NME6: variants seen among roughly 807,000 people sequenced by gnomAD.
The protein encoded by NME6 is NME/NM23 nucleoside diphosphate kinase 6.
NME6 carries 16 observed loss-of-function variants against 22.2 expected under a neutral mutation model. That is an observed-to-expected ratio of 0.72 (90% confidence interval 0.49 to 1.09). The LOEUF (loss-of-function observed/expected upper bound fraction) is 1.09, where lower values mean the gene tolerates loss of function less well. Ranked by LOEUF, NME6 falls within the 50% of genes least tolerant of loss-of-function variation. The pLI, the probability that NME6 is intolerant of heterozygous loss-of-function variation, is 0.00. For synonymous variants in NME6, 58 were observed against 85.2 expected, an observed-to-expected ratio of 0.68 and a Z score of 1.76; for missense variants, 229 against 239.0, an observed-to-expected ratio of 0.96 and a Z score of 0.28.
chr3:48,299,929 C>T (rs2035515730), intron 1 of NME6, among the ~76,000 whole-genome samples: 1 of 151,988 alleles, frequency 6.6e-6, no homozygotes, highest in South Asian at 2.1e-4. Flanking sequence ...CATGACACCT[C>T]CCCTCCCTCA....
At chr3:48,297,609 A>AT (rs1479477516) in intron 2 of NME6, 2 of 152,422 alleles carry the variant, frequency 1.3e-5, no homozygotes, top group African/African-American at 2.4e-5. Flanking sequence ...ATATGATGCA[A>AT]TATGATTATG....
intron 1 of NME6, 91 bp from the exon 2 acceptor site, chr3:48,298,614 T>A: frequency 1.2e-6 from 1 of 820,924 alleles, no homozygotes; most frequent in South Asian, 1.8e-5. Flanking sequence ...AGCCAACGAG[T>A]GCTCTCACTC....
At chr3:48,287,696 C>G (rs1477287027), downstream of NME6, 2 of 152,130 alleles carry the variant, frequency 1.3e-5, no homozygotes, top group Non-Finnish European at 2.9e-5. Context: ...CAGAGTAATG[C>G]CTTGAGTAGG....
rs745495639 is a variant in NME6, at chr3:48,294,713, C to T, written c.485G>A (p.Arg162His). Residue 162 changes from arginine to histidine, a missense_variant, in exon 6 of 6, where the codon CGC becomes CAC. By Grantham distance (29) the Arg-to-His change is conservative. Transcript: ENST00000442597. ...RWYEEEEPQL[R>H]CGPVCYSPEG... ...TGGGCTATAGCACACAGGGCCACAG[C>T]GCAACTGGGGCTCTTCCTCCTCATA... 8.1e-6 allele frequency: 13 copies of T among 1,614,048 alleles called. No homozygotes were observed. Among genetic ancestry groups the T allele is most frequent in the Admixed American group, 3.3e-5 (2 of 60,002 alleles).
chr3:48,288,924 C>T (rs907480013), downstream of NME6, among the ~76,000 whole-genome samples: 4 of 152,114 alleles, frequency 2.6e-5, no homozygotes, highest in Admixed American at 6.5e-5. Flanking sequence ...AGGTAGAGAA[C>T]GTCCATCAAG....
At position 48,296,712 on chromosome 3, in the gene NME6, G is replaced by C. The variant is rs1451448366; in HGVS notation, c.193+15C>G. On this transcript the variant is annotated intron_variant, in intron 3 of 5. Transcript: ENST00000442597. ...GGATTGAGGCACCTTCCATTCAGAG[G>C]ACTACTGATCCTACCTTCATGCTCT... is the stretch of plus-strand genomic sequence containing the variant. The C allele has an allele frequency of 3.2e-6, 5 of 1,578,334 alleles. No homozygotes were observed. In the African/African-American group the frequency reaches 6.8e-5, roughly 21 times the overall value.
chr3:48,296,048 G>A, intron 4 of NME6, 71 bp downstream of exon 4: 1 of 1,062,696 alleles, frequency 9.4e-7, no homozygotes, highest in South Asian at 1.3e-5. Flanking sequence ...GCAGTGAAAT[G>A]AACAAATCCA....
chr3:48,289,123 G>A (rs1377400442), downstream of NME6, among the ~76,000 whole-genome samples: 4 of 151,578 alleles, frequency 2.6e-5, no homozygotes, highest in African/African-American at 9.7e-5. Flanking sequence ...GGAGTGCAAT[G>A]GCGTGATCTC....
downstream of NME6, among the ~76,000 whole-genome samples, chr3:48,288,022 A>C (rs1421750013): frequency 6.6e-6 from 1 of 152,156 alleles, no homozygotes; most frequent in African/African-American, 2.4e-5. Context: ...CGTGGGAGAC[A>C]TAAGACAGGG....
intron 1 of NME6, among the ~76,000 whole-genome samples, chr3:48,299,843 C>G (rs1473823425): frequency 4.6e-5 from 7 of 152,182 alleles, no homozygotes; most frequent in Middle Eastern, 3.2e-3. Context: ...CTAACCAGTA[C>G]AAGATCAGCT....
In NME6 at chr3:48,295,122, C is replaced by T. The variant is rs200651977; in HGVS notation, c.347G>A (p.Arg116His). 1.4e-4 allele frequency: 219 copies of T among 1,614,166 alleles called. No individual in the cohort carries two copies. The highest frequency in any genetic ancestry group is 1.8e-4 in the Non-Finnish European group (215 of 1,180,032). ...GGTGTCAGTGAGGCCGAAACTCCCACGGATAGAATCTGGGGCCACATGGCG... is the reference window on the plus strand; with the variant it reads ...GGTGTCAGTGAGGCCGAAACTCCCATGGATAGAATCTGGGGCCACATGGCG... ...RARHVAPDSI[R>H]GSFGLTDTRN... Residue 116 changes from arginine (R) to histidine (H), a missense_variant, in exon 5 of 6, where the codon CGT becomes CAT. Physicochemically the swap from Arg to His is conservative, Grantham distance 29. Transcript: ENST00000442597.
rs2034969720 is a variant in NME6 at position 48,295,312 on chromosome 3, A to C, written c.234-77T>G. 5.5e-6 allele frequency: 8 copies of C among 1,451,416 alleles called. No individual in the cohort carries two copies. The South Asian group carries it at 1.1e-4, about 19-fold the overall frequency. 89.9% of individuals were successfully genotyped at this position (1,451,416 alleles called of 1,614,324 possible). A position where few individuals can be genotyped will look rare whatever the true frequency, so the allele number is the denominator to read the frequency against. ...GTGTGCTGTGAGCAGGGCCTGAATA[A>C]AAACACACTCTACGTTCTGAGAGTT... On this transcript the variant is annotated intron_variant, in intron 4 of 5. Coordinates refer to ENST00000442597, the MANE Select transcript of NME6 (RefSeq NM_001308426.2).
chr3:48,296,349 T>G, intron 3 of NME6, 191 bp from the exon 4 acceptor site: 1 of 733,962 alleles, frequency 1.4e-6, no homozygotes, highest in Non-Finnish European at 2.3e-6. Flanking sequence ...GGGTAAATCA[T>G]TAACCTCCTA....
chr3:48,298,405 G>A, intron 2 of NME6, 22 bp downstream of exon 2: 1 of 1,603,158 alleles, frequency 6.2e-7, no homozygotes, highest in Non-Finnish European at 8.5e-7. Flanking sequence ...GCATGCGGTA[G>A]AGACTTAGGA....
In NME6 at chr3:48,294,688, T is replaced by C. The variant is rs763960475; in HGVS notation, c.510A>G (p.Pro170=). ...CAGCTACATAGTGGACACCTCCCTC[T>C]GGGCTATAGCACACAGGGCCACAGC... ...QLRCGPVCYS[P]EGGVHYVAGT... Residue 170 remains proline (P), a synonymous_variant, in exon 6 of 6, where the codon CCA becomes CCG. Transcript: ENST00000442597. 1.9e-6 allele frequency: 3 copies of C among 1,614,226 alleles called. No individual in the cohort carries two copies. The South Asian group carries it at 3.3e-5, about 18-fold the overall frequency.
intron 2 of NME6, 87 bp downstream of exon 2, chr3:48,298,340 G>T: frequency 8.7e-7 from 1 of 1,143,000 alleles, no homozygotes; most frequent in Non-Finnish European, 1.3e-6. Context: ...ACAAGTCTGT[G>T]TTGTCAGTCA....
At chr3:48,296,686 G>T in intron 3 of NME6, 41 bp downstream of exon 3, 1 of 1,403,516 alleles carries the variant, frequency 7.1e-7, no homozygotes. Flanking sequence ...ATGGCCTCTT[G>T]GGATTGAGGC....
intron 2 of NME6, 163 bp downstream of exon 2, chr3:48,298,264 C>T: frequency 1.5e-6 from 1 of 672,088 alleles, no homozygotes; most frequent in Non-Finnish European, 2.6e-6. Flanking sequence ...CTCAAGTCTC[C>T]AATGGATTCT....
chr3:48,298,898 A>C (rs1195618326), intron 1 of NME6: 1 of 697,904 alleles, frequency 1.4e-6, no homozygotes, highest in Non-Finnish European at 2.6e-6. Flanking sequence ...TAAACAGCCT[A>C]TCCACAAGGC....
Sources: allele counts gnomAD v4.1 joint callset (sites outside exome capture counted in the v4.1 genomes callset), GRCh38; gene constraint gnomAD v4.1.1; transcripts MANE v1.5; gene names NCBI Gene and HGNC (gene_info 2026-07-23, HGNC 2026-07-21).